Variants in ITGBL1 observed in about 807,000 individuals in gnomAD.
The protein encoded by ITGBL1 is integrin subunit beta like 1, also known as integrin beta-like protein 1.
ITGBL1 carries 51 observed loss-of-function variants against 68.5 expected under a neutral mutation model. The observed-to-expected ratio is 0.74, with a 90% CI of 0.59 to 0.94. The LOEUF (loss-of-function observed/expected upper bound fraction) is 0.94, where lower values mean the gene tolerates loss of function less well. Ranked by LOEUF, ITGBL1 falls within the 40% of genes least tolerant of loss-of-function variation. The pLI is 0.00. For missense variants in ITGBL1, 649 were observed against 647.4 expected, an observed-to-expected ratio of 1.00 and a Z score of -0.03; for synonymous variants, 209 against 227.3, an observed-to-expected ratio of 0.92 and a Z score of 0.72.
At chr13:101,616,224 T>C (rs1471005130) in intron 7 of ITGBL1, among the ~76,000 whole-genome samples, 1 of 152,132 alleles carries the variant, frequency 6.6e-6, no homozygotes, top group Non-Finnish European at 1.5e-5. Context: ...GGGAAGAATA[T>C]GTCCAAGACA....
rs115751803 is a variant in ITGBL1 at position 101,458,777 on chromosome 13, G to A, written c.316+4677G>A. 2.8e-3 allele frequency among the ~76,000 whole-genome samples: 423 copies of A among 152,198 alleles called. 1 individual carries two copies. The highest frequency in any genetic ancestry group is 9.6e-3 in the African/African-American group (398 of 41,532). Reference sequence around the variant, plus strand: ...ATAGTTGTTATACTGTATGTTAGTTGTATTATTTTGTACTACACTTTTTTA... The same window carrying A: ...ATAGTTGTTATACTGTATGTTAGTTATATTATTTTGTACTACACTTTTTTA... On this transcript the variant is annotated intron_variant, in intron 2 of 10. Transcript: ENST00000376180.
chr13:101,607,129 TG>T (rs1594926262), intron 7 of ITGBL1, among the ~76,000 whole-genome samples: 1 of 152,050 alleles, frequency 6.6e-6, no homozygotes, highest in Non-Finnish European at 1.5e-5. Context: ...AGCATTTATG[TG>T]CACTTTGTCA....
At chr13:101,656,625 TAA>T (rs1464607581) in intron 7 of ITGBL1, among the ~76,000 whole-genome samples, 5 of 152,160 alleles carry the variant, frequency 3.3e-5, no homozygotes, top group Non-Finnish European at 7.4e-5. Context: ...TGCATTTTCA[TAA>T]AAAAGTAAGG....
rs138429967 is a variant in ITGBL1 at position 101,638,667 on chromosome 13, G to C, written c.1015+40368G>C. On this transcript the variant is annotated intron_variant, in intron 7 of 10. Coordinates refer to ENST00000376180, the MANE Select transcript of ITGBL1 (RefSeq NM_004791.3). ...TTTATAAAACCATCAGATCTCATAA[G>C]ATTTATTCACTACCATGAGAGCAAT... 6.0e-3 allele frequency among the ~76,000 whole-genome samples: 916 copies of C among 152,098 alleles called. 12 individuals carry two copies. Among genetic ancestry groups the C allele is most frequent in the African/African-American group, 0.021 (861 of 41,488 alleles).
chr13:101,521,946 C>G (rs2049292320), intron 2 of ITGBL1, among the ~76,000 whole-genome samples: 1 of 151,558 alleles, frequency 6.6e-6, no homozygotes, highest in Admixed American at 6.6e-5. Flanking sequence ...TGAGGCATCT[C>G]TCCTTGGCTA....
rs900784877 is a variant in ITGBL1, at chr13:101,701,550, TAATA to T, written c.1133-5195_1133-5192del. The stretch of plus-strand genomic sequence containing the variant: ...ATCTCAAAAAAATAAAATAAAATAA[TAATA>T]AATAAATAAAAAATCATCTATTTTC... On this transcript the variant is annotated intron_variant, in intron 8 of 10. Transcript: ENST00000376180. Among the ~76,000 whole-genome samples the T allele has an allele frequency of 9.9e-5, 15 of 151,914 alleles. No individual in the cohort carries two copies. The East Asian group carries it at 1.9e-3, about 20-fold the overall frequency.
intron 2 of ITGBL1, among the ~76,000 whole-genome samples, chr13:101,496,234 C>T (rs1381572422): frequency 6.6e-6 from 1 of 152,122 alleles, no homozygotes; most frequent in Admixed American, 6.5e-5. Context: ...GTAGACGCTC[C>T]CGGGCAGGCT....
intron 7 of ITGBL1, among the ~76,000 whole-genome samples, chr13:101,604,537 C>T (rs1053500174): frequency 1.3e-5 from 2 of 151,280 alleles, no homozygotes; most frequent in Non-Finnish European, 1.5e-5. Context: ...TTTTTGAAAA[C>T]GAAAACCAAG....
At chr13:101,686,327 C>A (rs1342992307) in intron 7 of ITGBL1, among the ~76,000 whole-genome samples, 2 of 151,824 alleles carry the variant, frequency 1.3e-5, no homozygotes, top group African/African-American at 4.8e-5. Flanking sequence ...ATATGGCAAC[C>A]ATATAAAGAG....
chr13:101,517,314 A>C (rs2049210969), intron 2 of ITGBL1, among the ~76,000 whole-genome samples: 1 of 152,174 alleles, frequency 6.6e-6, no homozygotes, highest in Non-Finnish European at 1.5e-5. Flanking sequence ...TCCTATCTGA[A>C]GCTATTGATG....
At chr13:101,659,039 ATTTTT>A (rs55935871) in intron 7 of ITGBL1, among the ~76,000 whole-genome samples, 7 of 103,842 alleles carry the variant, frequency 6.7e-5, no homozygotes, top group Non-Finnish European at 5.5e-5. Flanking sequence ...TGGTGATTGA[ATTTTT>A]TTTTTTTTTT....
rs55935871 is a variant in ITGBL1 at position 101,659,039 on chromosome 13, A to ATTTT, written c.1016-33527_1016-33524dup. ...AATCAGGCCTTAGAGTGGTGATTGAATTTTTTTTTTTTTTTTTTTTTTGAG... is the reference window on the plus strand; with the variant it reads ...AATCAGGCCTTAGAGTGGTGATTGAATTTTTTTTTTTTTTTTTTTTTTTTTTGAG... On this transcript the variant is annotated intron_variant, in intron 7 of 10. Transcript: ENST00000376180. Among the ~76,000 whole-genome samples, 674 of 103,708 alleles carry ATTTT rather than the reference A, an allele frequency of 6.5e-3. 10 individuals are homozygous for ATTTT. Among genetic ancestry groups the ATTTT allele is most frequent in the Middle Eastern group, 0.014 (2 of 146 alleles). The allele number at this position is 103,708 out of a possible 152,430, so 68.0% of individuals were successfully genotyped here.
At chr13:101,615,954 C>T (rs1469535431) in intron 7 of ITGBL1, among the ~76,000 whole-genome samples, 3 of 152,092 alleles carry the variant, frequency 2.0e-5, no homozygotes, top group Non-Finnish European at 4.4e-5. Context: ...CTTGGACTTC[C>T]CAGACTCCAG....
At chr13:101,686,165 T>C (rs1432350538) in intron 7 of ITGBL1, among the ~76,000 whole-genome samples, 5 of 152,142 alleles carry the variant, frequency 3.3e-5, no homozygotes, top group South Asian at 2.1e-4. Context: ...TACTCATCTA[T>C]GTTTTGCCCG....
downstream of ITGBL1, chr13:101,719,891 T>A (rs1193313138): frequency 6.6e-6 from 1 of 152,176 alleles, no homozygotes; most frequent in East Asian, 1.9e-4. Context: ...CGAAGTCTTA[T>A]CCCAAACAAA....
At chr13:101,524,129 A>ATTTTTTTTTAAT (rs2049332092) in intron 2 of ITGBL1, among the ~76,000 whole-genome samples, 1 of 145,254 alleles carries the variant, frequency 6.9e-6, no homozygotes, top group African/African-American at 2.5e-5. Flanking sequence ...TTTTTTTTTA[A>ATTTTTTTTTAAT]TTTTTTTTTT....
chr13:101,496,389 C>G (rs2048858625), intron 2 of ITGBL1, among the ~76,000 whole-genome samples: 1 of 152,082 alleles, frequency 6.6e-6, no homozygotes, highest in Non-Finnish European at 1.5e-5. Flanking sequence ...GTGGCTTGAC[C>G]TAGATGATCT....
intron 7 of ITGBL1, among the ~76,000 whole-genome samples, chr13:101,688,209 C>T (rs190861236): frequency 2.6e-5 from 4 of 152,178 alleles, no homozygotes; most frequent in South Asian, 2.1e-4. Flanking sequence ...TAGTCTGGAC[C>T]GTAGTGATTT....
intron 7 of ITGBL1, among the ~76,000 whole-genome samples, chr13:101,649,306 G>C (rs973347353): frequency 5.9e-5 from 9 of 152,136 alleles, no homozygotes; most frequent in African/African-American, 1.9e-4. Flanking sequence ...CCTATTATTT[G>C]TGAGGAGGAA....
Sources: gnomAD v4.1 joint callset for allele counts (sites outside exome capture counted in the v4.1 genomes callset) on GRCh38, gnomAD v4.1.1 for gene constraint, MANE v1.5 for transcripts, NCBI Gene and HGNC (gene_info 2026-07-23, HGNC 2026-07-21) for gene names.